The following CTNND2 variants were observed in gnomAD, a reference collection of about 807,000 sequenced individuals.
The protein encoded by CTNND2 is catenin delta 2, also known as catenin delta-2.
A neutral mutation model predicts 144.4 loss-of-function variants in CTNND2; 22 were observed. The observed-to-expected ratio is 0.15, with a 90% CI of 0.11 to 0.22. The LOEUF (loss-of-function observed/expected upper bound fraction) is 0.22, where lower values mean the gene tolerates loss of function less well. Ranked by LOEUF, CTNND2 falls within the 10% of genes least tolerant of loss-of-function variation. The pLI, the probability that CTNND2 is intolerant of heterozygous loss-of-function variation, is 1.00. For synonymous variants in CTNND2, 751 were observed against 695.6 expected (o/e 1.08, Z -1.25); for missense variants, 1,353 against 1,618.8 (o/e 0.84, Z 2.82).
intron 3 of CTNND2, among the ~76,000 whole-genome samples, chr5:11,432,021 C>T (rs73742839): frequency 2.6e-4 from 39 of 151,738 alleles, no homozygotes; most frequent in African/African-American, 8.9e-4. Flanking sequence ...TACCTATCTG[C>T]TTCATTGCTT....
chr5:11,090,481 C>T (rs1475948394), intron 15 of CTNND2, among the ~76,000 whole-genome samples: 2 of 152,162 alleles, frequency 1.3e-5, no homozygotes, highest in East Asian at 1.9e-4. Context: ...TGAGCATTAC[C>T]GCCTGAGTTC....
chr5:11,888,317 C>T (rs746911639), intron 1 of CTNND2, among the ~76,000 whole-genome samples: 3 of 152,156 alleles, frequency 2.0e-5, no homozygotes, highest in Non-Finnish European at 4.4e-5. Flanking sequence ...GAATGGTTGA[C>T]GAAGATAAGA....
At position 11,005,278 on chromosome 5, in the gene CTNND2, C is replaced by T. The variant is rs150046289; in HGVS notation, c.3085-12601G>A. Among the ~76,000 whole-genome samples, 297 of 152,286 alleles carry T rather than the reference C, an allele frequency of 2.0e-3. 2 individuals are homozygous for T. The highest frequency in any genetic ancestry group is 6.9e-3 in the African/African-American group (288 of 41,542). ...CAAGAACAGCGTGGCTGAGGCAAAGCGATCGCAGGCAGGGTGGACGGAAGT... is the reference window on the plus strand; with the variant it reads ...CAAGAACAGCGTGGCTGAGGCAAAGTGATCGCAGGCAGGGTGGACGGAAGT... On this transcript the variant is annotated intron_variant, in intron 18 of 21. Coordinates refer to ENST00000304623, the MANE Select transcript of CTNND2 (RefSeq NM_001332.4).
chr5:11,145,969 C>A (rs769675732), intron 12 of CTNND2, among the ~76,000 whole-genome samples: 1 of 152,206 alleles, frequency 6.6e-6, no homozygotes, highest in East Asian at 1.9e-4. Flanking sequence ...CCTTCACCGG[C>A]AAACTCTCCT....
At chr5:11,703,472 C>G (rs1009344697) in intron 2 of CTNND2, among the ~76,000 whole-genome samples, 2 of 152,166 alleles carry the variant, frequency 1.3e-5, no homozygotes, top group Admixed American at 1.3e-4. Flanking sequence ...GAATGGAACA[C>G]AGAGAGTAGG....
chr5:11,749,259 T>C (rs1307422953), intron 1 of CTNND2, among the ~76,000 whole-genome samples: 2 of 151,878 alleles, frequency 1.3e-5, no homozygotes, highest in African/African-American at 2.4e-5. Context: ...ACAGAATCCA[T>C]GAGATAAATA....
At chr5:11,654,150 T>A (rs1395870557) in intron 2 of CTNND2, among the ~76,000 whole-genome samples, 1 of 151,992 alleles carries the variant, frequency 6.6e-6, no homozygotes, top group Non-Finnish European at 1.5e-5. Flanking sequence ...TCATAGCTCT[T>A]CAGTACACTT....
intron 3 of CTNND2, among the ~76,000 whole-genome samples, chr5:11,514,254 A>G (rs1229945237): frequency 2.0e-5 from 3 of 152,162 alleles, no homozygotes; most frequent in Non-Finnish European, 4.4e-5. Context: ...ATACACATAT[A>G]TATATAAGAC....
At chr5:11,790,282 C>T (rs1791065108) in intron 1 of CTNND2, among the ~76,000 whole-genome samples, 1 of 152,178 alleles carries the variant, frequency 6.6e-6, no homozygotes, top group Admixed American at 6.5e-5. Context: ...TTATCCCCTA[C>T]TCCAGAAGAA....
intron 16 of CTNND2, among the ~76,000 whole-genome samples, chr5:11,044,541 A>T (rs1314245999): frequency 6.7e-5 from 6 of 88,940 alleles, no homozygotes; most frequent in Admixed American, 3.9e-4. Context: ...AAAAAAAAAA[A>T]ATACATATAT....
At chr5:11,160,870 T>G (rs904912680) in intron 11 of CTNND2, among the ~76,000 whole-genome samples, 3 of 152,242 alleles carry the variant, frequency 2.0e-5, no homozygotes, top group Non-Finnish European at 4.4e-5. Flanking sequence ...GCGTTGCACA[T>G]GTTGAACTAT....
At chr5:11,435,798 C>G (rs891747868) in intron 3 of CTNND2, among the ~76,000 whole-genome samples, 5 of 152,114 alleles carry the variant, frequency 3.3e-5, no homozygotes, top group African/African-American at 1.2e-4. Flanking sequence ...ACTTTAGGAA[C>G]ACAGTTCTAT....
At chr5:11,415,752 G>A (rs1349062150) in intron 3 of CTNND2, among the ~76,000 whole-genome samples, 1 of 152,102 alleles carries the variant, frequency 6.6e-6, no homozygotes, top group Non-Finnish European at 1.5e-5. Flanking sequence ...TCCTCTCCTT[G>A]CAGGCACTTT....
At chr5:11,735,854 G>GTC (rs1272181374) in intron 1 of CTNND2, among the ~76,000 whole-genome samples, 1 of 152,130 alleles carries the variant, frequency 6.6e-6, no homozygotes, top group Non-Finnish European at 1.5e-5. Flanking sequence ...TCAGTCTTAG[G>GTC]TATGTCTTTA....
intron 16 of CTNND2, among the ~76,000 whole-genome samples, chr5:11,048,173 A>G (rs949222044): frequency 1.1e-4 from 17 of 152,148 alleles, no homozygotes; most frequent in African/African-American, 3.6e-4. Flanking sequence ...ATCAAGGTCC[A>G]TGTTCTACAA....
At chr5:11,535,995 T>C (rs904727396) in intron 3 of CTNND2, among the ~76,000 whole-genome samples, 3 of 152,230 alleles carry the variant, frequency 2.0e-5, no homozygotes, top group Admixed American at 1.3e-4. Flanking sequence ...TCATTCTCTA[T>C]GTAAAGTGTT....
intron 1 of CTNND2, among the ~76,000 whole-genome samples, chr5:11,736,499 T>C (rs1373883611): frequency 1.3e-5 from 2 of 152,192 alleles, no homozygotes; most frequent in Non-Finnish European, 2.9e-5. Context: ...AACTATTGTG[T>C]CTGGACAGAA....
At chr5:11,706,191 C>T (rs1027496641) in intron 2 of CTNND2, among the ~76,000 whole-genome samples, 2 of 152,166 alleles carry the variant, frequency 1.3e-5, no homozygotes, top group African/African-American at 4.8e-5. Flanking sequence ...CCCTTGATTG[C>T]AGCTGTGTGA....
At chr5:11,511,954 A>G (rs942210954) in intron 3 of CTNND2, among the ~76,000 whole-genome samples, 1 of 152,108 alleles carries the variant, frequency 6.6e-6, no homozygotes, top group Non-Finnish European at 1.5e-5. Flanking sequence ...GAACAAACCT[A>G]TTTTGCACTC....
Sources: gnomAD v4.1 joint callset for allele counts (sites outside exome capture counted in the v4.1 genomes callset) on GRCh38, gnomAD v4.1.1 for gene constraint, MANE v1.5 for transcripts, NCBI Gene and HGNC (gene_info 2026-07-23, HGNC 2026-07-21) for gene names.